The following WDR35 variants were observed in gnomAD, a reference collection of about 807,000 sequenced individuals.
WDR35 encodes WD repeat-containing protein 35.
A neutral mutation model predicts 158.3 loss-of-function variants in WDR35; 118 were observed. That is an observed-to-expected ratio of 0.75 (90% CI 0.64 to 0.87). The LOEUF is 0.87. Ranked by LOEUF, WDR35 falls within the 40% of genes least tolerant of loss-of-function variation. The pLI is 0.00. For synonymous variants in WDR35, 448 were observed against 476.1 expected (o/e 0.94, Z 0.77); for missense variants, 1,263 against 1,405.8 (o/e 0.90, Z 1.62).
At chr2:19,938,551 G>T in intron 17 of WDR35, 150 bp from the exon 18 acceptor site, 1 of 1,074,750 alleles carries the variant, frequency 9.3e-7, no homozygotes, top group Non-Finnish European at 1.3e-6. Flanking sequence ...TTCACGTTTG[G>T]GTCTTTTGAG....
intron 10 of WDR35, chr2:19,962,212 T>C: frequency 6.8e-7 from 1 of 1,462,244 alleles, no homozygotes; most frequent in Middle Eastern, 1.7e-4. Context: ...CCCCTCATAT[T>C]GCTACAGTTT....
Position 19,913,720 on chromosome 2 carries a change from G to A in WDR35, c.3363-12C>T, listed in dbSNP as rs1669905465. 6.2e-7 allele frequency: 1 copy of A among 1,613,502 alleles called. No homozygotes were observed. Reference sequence around the variant, plus strand: ...GTTTCCCTTCTCCACTGTAAAACGGGGAGAAACAATTCATTATACTTTAAA... The same window carrying A: ...GTTTCCCTTCTCCACTGTAAAACGGAGAGAAACAATTCATTATACTTTAAA... On this transcript the variant is annotated splice_polypyrimidine_tract_variant and intron_variant, in intron 26 of 26. Coordinates refer to ENST00000281405, the MANE Select transcript of WDR35 (RefSeq NM_020779.4).
chr2:19,937,889 T>C lies in WDR35; in HGVS notation c.2121A>G (p.Ala707=). The change falls in exon 19 of 27, where the codon GCA becomes GCG. Residue 707 remains alanine (A), a synonymous_variant. Coordinates refer to ENST00000281405, the MANE Select transcript of WDR35 (RefSeq NM_020779.4). ...CTTGGTAATCTTTGCAGCGCACAAA[T>C]GCTTGCTCTGCAGTGTATAGATCCA... ...QKLDLYTAEQ[A]FVRCKDYQGI... 1.2e-6 allele frequency: 2 copies of C among 1,614,170 alleles called. No homozygotes were observed. The highest frequency in any genetic ancestry group is 1.7e-6 in the Non-Finnish European group (2 of 1,180,018).
chr2:19,978,558 G>C (rs1172532806), intron 5 of WDR35, among the ~76,000 whole-genome samples, 193 bp downstream of exon 5: 3 of 152,116 alleles, frequency 2.0e-5, no homozygotes, highest in African/African-American at 7.2e-5. Context: ...AAATTTCCTT[G>C]AATATACATA....
At chr2:19,915,919 TA>T (rs4035119) in intron 25 of WDR35, among the ~76,000 whole-genome samples, 32,045 of 124,648 alleles carry the variant, frequency 0.26, 3,761 homozygotes, top group East Asian at 0.27. Context: ...AGACTCCATC[TA>T]AAAAAAAAAA....
At position 19,975,616 on chromosome 2, in the gene WDR35, C is replaced by T. The variant is rs767171419; in HGVS notation, c.484G>A (p.Val162Ile). ...KDLKGIQLSH[V>I]TWSADSKVLL... ...ACTTTACTGTCCGCAGACCATGTTA[C>T]ATGGGATAGCTGTATACCCTTCAGG... The change falls in exon 6 of 27, where the codon GTA becomes ATA. Residue 162 changes from valine (V) to isoleucine (I), a missense_variant. Val to Ile is a conservative substitution (Grantham distance 29). Coordinates refer to ENST00000281405, the MANE Select transcript of WDR35 (RefSeq NM_020779.4). 1.9e-6 allele frequency: 3 copies of T among 1,614,120 alleles called. No homozygotes were observed. In the East Asian group the frequency reaches 6.7e-5, roughly 36 times the overall value.
At chr2:19,939,201 A>G (rs1358850675) in intron 17 of WDR35, among the ~76,000 whole-genome samples, 1 of 152,200 alleles carries the variant, frequency 6.6e-6, no homozygotes, top group African/African-American at 2.4e-5. Flanking sequence ...AAAATGTAGT[A>G]AAAAGCCTGG....
In WDR35 at chr2:19,932,402, T is replaced by A. The variant is rs1030879738; in HGVS notation, c.2704A>T (p.Ile902Phe). 6.2e-7 allele frequency: 1 copy of A among 1,613,242 alleles called. No individual in the cohort carries two copies. Among genetic ancestry groups the A allele is most frequent in the African/African-American group, 1.3e-5 (1 of 74,906 alleles). ...GCATACCTAGCTAACAGAGATCCAA[T>A]TTCTTTCATACTATGATTTTTAGCC... ...ELAKNHSMKE[I>F]GSLLARYASH... The change falls in exon 23 of 27, where the codon ATT (isoleucine) becomes TTT (phenylalanine). Residue 902 changes from isoleucine (I) to phenylalanine (F), a missense_variant. Transcript: ENST00000281405.
intron 5 of WDR35, among the ~76,000 whole-genome samples, chr2:19,978,153 A>T (rs1028872390): frequency 6.6e-6 from 1 of 152,054 alleles, no homozygotes; most frequent in African/African-American, 2.4e-5. Flanking sequence ...ATAGGCTCTC[A>T]GAAACATTTG....
At chr2:19,968,226 T>A (rs550307315) in intron 9 of WDR35, among the ~76,000 whole-genome samples, 3 of 152,366 alleles carry the variant, frequency 2.0e-5, no homozygotes, top group East Asian at 3.9e-4. Context: ...TTCCTAATGA[T>A]GTTAACCTTT....
chr2:19,916,049 G>T (rs776087298), intron 25 of WDR35, among the ~76,000 whole-genome samples: 10 of 152,156 alleles, frequency 6.6e-5, no homozygotes, highest in Non-Finnish European at 1.5e-4. Flanking sequence ...TGAGGTACCA[G>T]GTTCATCTCA....
At chr2:19,919,938 G>A (rs1450005050) in intron 25 of WDR35, among the ~76,000 whole-genome samples, 3 of 152,174 alleles carry the variant, frequency 2.0e-5, no homozygotes, top group Non-Finnish European at 4.4e-5. Context: ...TACCACCAGA[G>A]AAGACTATCA....
At chr2:19,952,752 C>G (rs1671279906) in intron 12 of WDR35, among the ~76,000 whole-genome samples, 1 of 151,112 alleles carries the variant, frequency 6.6e-6, no homozygotes, top group Admixed American at 6.6e-5. Context: ...TTTTTTCCTG[C>G]CTCCACATGA....
intron 8 of WDR35, 57 bp downstream of exon 8, chr2:19,973,506 A>C: frequency 3.7e-6 from 6 of 1,611,268 alleles, no homozygotes; most frequent in Non-Finnish European, 5.1e-6. Context: ...TTTTTCCTCT[A>C]CCTTACTCAC....
chr2:19,960,516 C>T, intron 11 of WDR35, 38 bp downstream of exon 11: 3 of 1,527,648 alleles, frequency 2.0e-6, no homozygotes, highest in South Asian at 2.3e-5. Flanking sequence ...ACAAATAAAA[C>T]CTGATTGGAA....
At chr2:19,919,647 C>G (rs1171767790) in intron 25 of WDR35, among the ~76,000 whole-genome samples, 1 of 151,930 alleles carries the variant, frequency 6.6e-6, no homozygotes, top group Non-Finnish European at 1.5e-5. Context: ...GATCTAAAAT[C>G]AACACCCTAA....
At chr2:19,936,074 G>T in intron 20 of WDR35, 145 bp downstream of exon 20, 1 of 1,339,684 alleles carries the variant, frequency 7.5e-7, no homozygotes. Context: ...AGGATCTCCG[G>T]CTTTCCAAGA....
intron 3 of WDR35, among the ~76,000 whole-genome samples, chr2:19,981,730 G>C (rs1427596172): frequency 2.6e-5 from 4 of 151,902 alleles, no homozygotes; most frequent in South Asian, 2.1e-4. Flanking sequence ...TGTTGCCCAG[G>C]GTGGTTCCAA....
chr2:19,938,356 G>A lies in WDR35; in HGVS notation c.1972C>T (p.Arg658Trp), dbSNP rs754056303. 9 of 1,613,950 alleles carry A rather than the reference G, an allele frequency of 5.6e-6. No homozygotes were observed. The highest frequency in any genetic ancestry group is 5.0e-5 in the Admixed American group (3 of 59,956). Residue 658 changes from arginine (R) to tryptophan (W), a missense_variant, in exon 18 of 27, where the codon CGG (arginine) becomes TGG (tryptophan). Arg to Trp is a moderately radical substitution (Grantham distance 101, BLOSUM62 -3). Transcript: ENST00000281405. The part of the protein sequence containing the change: ...NKDYLINFEI[R>W]SLRDSRALIE... ...AGTGCTCGGCTATCTCGCAGAGACC[G>A]AATCTCAAAGTTAATTAGGTAATCC...
Sources: allele counts gnomAD v4.1 joint callset (sites outside exome capture counted in the v4.1 genomes callset), GRCh38; gene constraint gnomAD v4.1.1; transcripts MANE v1.5; gene names NCBI Gene and HGNC (gene_info 2026-07-23, HGNC 2026-07-21).